The following MAP2 variants were observed in gnomAD, a reference collection of about 807,000 sequenced individuals.
MAP2 encodes the protein microtubule-associated protein 2.
MAP2 carries 14 observed loss-of-function variants against 137.6 expected under a neutral mutation model. That is an observed-to-expected ratio of 0.10 (90% CI 0.07 to 0.16). The LOEUF (loss-of-function observed/expected upper bound fraction) is 0.16. Ranked by LOEUF, MAP2 falls within the 10% of genes least tolerant of loss-of-function variation. The pLI is 1.00. For missense variants in MAP2, 2,088 were observed against 2,191.5 expected (o/e 0.95, Z 0.94); for synonymous variants, 786 against 782.3 (o/e 1.00, Z -0.08).
rs78467203 is a variant in MAP2, at chr2:209,424,160, TC to T, written c.-330del. ...TCTTTCTCTTCCTTCTCCTTCTTTT[TC>T]CCCCCCCTCCCCTTCTTCCCCTAAC... On this transcript the variant is annotated 5_prime_UTR_variant, in exon 1 of 16. Coordinates refer to ENST00000682079, the MANE Select transcript of MAP2 (RefSeq NM_001375505.1). 0.56 allele frequency: 86,287 copies of T among 153,576 alleles called. 26,093 individuals are homozygous for T. Among genetic ancestry groups the T allele is most frequent in the African/African-American group, 0.79 (32,645 of 41,312 alleles). The allele number at this position is 153,576 out of a possible 1,614,324, so 9.5% of individuals were successfully genotyped here. A position where few individuals can be genotyped will look rare whatever the true frequency, so the allele number is the denominator to read the frequency against.
chr2:209,650,318 A>G (rs2094700411), intron 4 of MAP2, among the ~76,000 whole-genome samples: 1 of 152,214 alleles, frequency 6.6e-6, no homozygotes, highest in African/African-American at 2.4e-5. Flanking sequence ...TTTGCACATC[A>G]CTGCCTTTGC....
At chr2:209,425,109 G>C (rs969790965) in intron 1 of MAP2, among the ~76,000 whole-genome samples, 1 of 151,344 alleles carries the variant, frequency 6.6e-6, no homozygotes, top group Non-Finnish European at 1.5e-5. Context: ...GGTGTGTATA[G>C]GGGGAGGGGT....
intron 2 of MAP2, among the ~76,000 whole-genome samples, chr2:209,572,651 A>C (rs1295357088): frequency 6.6e-6 from 1 of 152,192 alleles, no homozygotes; most frequent in Non-Finnish European, 1.5e-5. Context: ...GCAGGAGTCA[A>C]GTGATTCAAG....
intron 1 of MAP2, among the ~76,000 whole-genome samples, chr2:209,476,367 A>G (rs757762114): frequency 6.6e-6 from 1 of 150,912 alleles, no homozygotes; most frequent in East Asian, 2.0e-4. Flanking sequence ...TCAAACCTGT[A>G]GTAGTCCTCC....
intron 5 of MAP2, among the ~76,000 whole-genome samples, chr2:209,665,285 G>A (rs1285214132): frequency 6.6e-6 from 1 of 152,116 alleles, no homozygotes; most frequent in African/African-American, 2.4e-5. Flanking sequence ...GAAAAGTCCA[G>A]ATAAATGAAC....
chr2:209,578,567 C>A (rs893391827), intron 2 of MAP2, among the ~76,000 whole-genome samples: 6 of 152,028 alleles, frequency 3.9e-5, no homozygotes, highest in African/African-American at 1.4e-4. Context: ...TTCTTCACAG[C>A]TGGCCTTTTT....
At chr2:209,622,412 G>A (rs766220580) in intron 3 of MAP2, among the ~76,000 whole-genome samples, 33 of 152,152 alleles carry the variant, frequency 2.2e-4, no homozygotes, top group Admixed American at 5.2e-4. Flanking sequence ...TTCTAGCCTT[G>A]TGATGCTGGG....
rs2080063995 is a variant in MAP2, at chr2:209,593,637, ATATATATATATATATAT to A, written c.-107+13538_-107+13554del. The stretch of plus-strand genomic sequence containing the variant: ...GTCTCTACAAAAAAAAAAAAAAAAT[ATATATATATATATATAT>A]ATATATATATATATATATATGTATT... On this transcript the variant is annotated intron_variant, in intron 3 of 15. Transcript: ENST00000682079. Among the ~76,000 whole-genome samples, 6 of 31,840 alleles carry A rather than the reference ATATATATATATATATAT, an allele frequency of 1.9e-4. No homozygotes were observed. The Admixed American group carries it at 2.4e-3, about 13-fold the overall frequency. 20.9% of individuals were successfully genotyped at this position (31,840 alleles called of 152,430 possible). A position where few individuals can be genotyped will look rare whatever the true frequency, so the allele number is the denominator to read the frequency against.
intron 5 of MAP2, among the ~76,000 whole-genome samples, chr2:209,670,506 A>T (rs1478704174): frequency 6.6e-6 from 1 of 151,848 alleles, no homozygotes; most frequent in African/African-American, 2.4e-5. Context: ...AGTGTTTTTA[A>T]CCTGTGGTGT....
chr2:209,538,300 G>A (rs1043559302), intron 2 of MAP2, among the ~76,000 whole-genome samples: 3 of 152,308 alleles, frequency 2.0e-5, no homozygotes, highest in Middle Eastern at 3.4e-3. Flanking sequence ...TAATATTTTA[G>A]ATTCATGAAC....
intron 3 of MAP2, among the ~76,000 whole-genome samples, chr2:209,616,695 G>A: frequency 9.4e-6 from 1 of 106,750 alleles, no homozygotes; most frequent in East Asian, 3.2e-4. Context: ...TAAGAAAACA[G>A]TCAGTCTTTC....
intron 1 of MAP2, among the ~76,000 whole-genome samples, chr2:209,452,342 C>T (rs1373725484): frequency 6.6e-6 from 1 of 152,200 alleles, no homozygotes. Flanking sequence ...TTCATCCTAT[C>T]CCCTGGCAGG....
At chr2:209,456,528 A>G (rs984161584) in intron 1 of MAP2, among the ~76,000 whole-genome samples, 2 of 152,238 alleles carry the variant, frequency 1.3e-5, no homozygotes, top group Non-Finnish European at 2.9e-5. Context: ...CTGAGTCTGT[A>G]TCTGTGATTA....
intron 2 of MAP2, among the ~76,000 whole-genome samples, chr2:209,556,975 T>C (rs1306814316): frequency 6.6e-6 from 1 of 152,108 alleles, no homozygotes; most frequent in Non-Finnish European, 1.5e-5. Context: ...ATTATTATAA[T>C]TATACATTAT....
intron 1 of MAP2, among the ~76,000 whole-genome samples, chr2:209,500,729 TAAC>T (rs2060272007): frequency 6.6e-6 from 1 of 151,896 alleles, no homozygotes; most frequent in Non-Finnish European, 1.5e-5. Flanking sequence ...CTAAAAAACA[TAAC>T]AAACAAACAA....
At chr2:209,621,246 C>A (rs2091059009) in intron 3 of MAP2, among the ~76,000 whole-genome samples, 2 of 146,968 alleles carry the variant, frequency 1.4e-5, no homozygotes, top group South Asian at 4.6e-4. Flanking sequence ...CCAGCAACTT[C>A]AGGCATCTTG....
chr2:209,688,245 A>G (rs79678900), intron 7 of MAP2, among the ~76,000 whole-genome samples: 1,564 of 152,254 alleles, frequency 0.01, 20 homozygotes, highest in African/African-American at 0.036. Context: ...AAAATATTCC[A>G]TTAAAGTATG....
At chr2:209,683,338 A>G (rs2055579845) in intron 7 of MAP2, among the ~76,000 whole-genome samples, 1 of 152,198 alleles carries the variant, frequency 6.6e-6, no homozygotes, top group Non-Finnish European at 1.5e-5. Context: ...CTTTTTGAGT[A>G]TTGAACTATC....
rs189080154 is a variant in MAP2 at position 209,469,397 on chromosome 2, G to C, written c.-221-38195G>C. On this transcript the variant is annotated intron_variant, in intron 1 of 15. Transcript: ENST00000682079. ...TCTTCTCTGGGCCAAAATATGCTTAGTTCTCTAAAACATTTCTGATGTAAT... is the reference window on the plus strand; with the variant it reads ...TCTTCTCTGGGCCAAAATATGCTTACTTCTCTAAAACATTTCTGATGTAAT... 3.3e-5 allele frequency among the ~76,000 whole-genome samples: 5 copies of C among 152,206 alleles called. No individual in the cohort carries two copies. The East Asian group carries it at 9.6e-4, about 29-fold the overall frequency.
Sources: gnomAD v4.1 joint callset for allele counts (sites outside exome capture counted in the v4.1 genomes callset) on GRCh38, gnomAD v4.1.1 for gene constraint, MANE v1.5 for transcripts, NCBI Gene and HGNC (gene_info 2026-07-23, HGNC 2026-07-21) for gene names.